Variants in ZFHX2 observed in about 807,000 individuals in gnomAD.
ZFHX2 encodes zinc finger homeobox 2.
ZFHX2 carries 75 observed loss-of-function variants against 164.8 expected under a neutral mutation model. The ratio of observed to expected loss-of-function variants is 0.46; its 90% confidence interval spans 0.38 to 0.55. The LOEUF (loss-of-function observed/expected upper bound fraction) is 0.55. Among genes scored for constraint, ZFHX2 ranks in the 20% least tolerant of loss-of-function variants. ZFHX2 has a pLI of 0.00. For missense variants in ZFHX2, 2,933 were observed against 3,308.0 expected (o/e 0.89, Z 2.78); for synonymous variants, 1,217 against 1,351.4 (o/e 0.90, Z 2.18).
rs1389140459 is a variant in ZFHX2, at chr14:23,523,285, G to A, written c.6657C>T (p.Thr2219=). Residue 2219 remains threonine (T), a synonymous_variant, in exon 9 of 10, where the codon ACC becomes ACT. Transcript: ENST00000419474. The surrounding 1 kb of genome is among the most constrained non-coding windows in gnomAD (Gnocchi z 4.1). ...PASMPLGAAP[T]LPRLAPVLLS... is the part of the protein sequence containing the mutation. ...AGAGGACCGGCGCCAGGCGAGGCAA[G>A]GTTGGGGCAGCCCCGAGGGGCATGG... 5 of 1,440,104 alleles carry A rather than the reference G, an allele frequency of 3.5e-6. No individual in the cohort carries two copies. The highest frequency in any genetic ancestry group is 4.5e-6 in the Non-Finnish European group (5 of 1,101,616). The allele number at this position is 1,440,104 out of a possible 1,614,324, so 89.2% of individuals were successfully genotyped here.
chr14:23,531,316 A>G (rs1879520348), intron 4 of ZFHX2, 165 bp downstream of exon 4: 1 of 1,066,008 alleles, frequency 9.4e-7, no homozygotes. Context: ...ACAGTGCCTG[A>G]CACGCTCATT....
Position 23,525,022 on chromosome 14 carries a change from C to T in ZFHX2, c.4920G>A (p.Val1640=). Residue 1640 remains valine, a synonymous_variant, in exon 9 of 10, where the codon GTG becomes GTA. Coordinates refer to ENST00000419474, the MANE Select transcript of ZFHX2 (RefSeq NM_033400.3). This position sits in a 1 kb window ranked among gnomAD's most constrained non-coding sequence, Gnocchi z 5.9. ...SLLGLASRVV[V]VWFQNARQKA... ...TCTGGCGGGCATTCTGGAACCACAC[C>T]ACCACCACACGGCTAGCCAGACCCA... 1.3e-6 allele frequency: 2 copies of T among 1,536,204 alleles called. No homozygotes were observed. The highest frequency in any genetic ancestry group is 1.7e-6 in the Non-Finnish European group (2 of 1,146,912).
Position 23,533,504 on chromosome 14 carries a change from G to A in ZFHX2, c.1822C>T (p.Leu608=). ...LMLHQGLPLG[L]PPGLMGPGPP... is the part of the protein sequence containing the mutation. Reference sequence around the variant, plus strand: ...CCTGGCCCCATCAATCCAGGTGGCAGGCCCAGCGGCAGCCCCTGGTGCAGC... The same window carrying A: ...CCTGGCCCCATCAATCCAGGTGGCAAGCCCAGCGGCAGCCCCTGGTGCAGC... The change falls in exon 2 of 10, where the codon CTG becomes TTG. Residue 608 remains leucine (L), a synonymous_variant. Transcript: ENST00000419474. The surrounding 1 kb of genome is among the most constrained non-coding windows in gnomAD (Gnocchi z 4.8). 6.5e-7 allele frequency: 1 copy of A among 1,536,106 alleles called. No individual in the cohort carries two copies. Among genetic ancestry groups the A allele is most frequent in the Non-Finnish European group, 8.7e-7 (1 of 1,146,892 alleles).
intron 1 of ZFHX2, among the ~76,000 whole-genome samples, chr14:23,540,094 C>A (rs1880634259): frequency 1.3e-5 from 2 of 152,184 alleles, no homozygotes; most frequent in Non-Finnish European, 2.9e-5. Context: ...CTTAGGTGAT[C>A]CTCCCATCTC....
chr14:23,535,175 T>C lies in ZFHX2; in HGVS notation c.151A>G (p.Met51Val), dbSNP rs1880008204. Reference sequence around the variant, plus strand: ...TGTCCCCCTGGCTCTGAGGACCTCATGTTCTCAGAGGTGGAGGAGGCAGCA... The same window carrying C: ...TGTCCCCCTGGCTCTGAGGACCTCACGTTCTCAGAGGTGGAGGAGGCAGCA... ...PPAASSTSENMRSSEPGGQLL... is the reference protein window; with the variant it reads ...PPAASSTSENVRSSEPGGQLL... The change falls in exon 2 of 10, where the codon ATG becomes GTG. Residue 51 changes from methionine to valine, a missense_variant. Physicochemically the swap from Met to Val is conservative, Grantham distance 21 (BLOSUM62 1). Coordinates refer to ENST00000419474, the MANE Select transcript of ZFHX2 (RefSeq NM_033400.3). The surrounding 1 kb of genome is among the most constrained non-coding windows in gnomAD (Gnocchi z 4.5). The C allele has an allele frequency of 6.5e-7, 1 of 1,534,450 alleles. No individual in the cohort carries two copies. Among genetic ancestry groups the C allele is most frequent in the South Asian group, 1.2e-5 (1 of 84,032 alleles).
chr14:23,526,764 T>C, intron 8 of ZFHX2, 83 bp downstream of exon 8: 1 of 1,530,478 alleles, frequency 6.5e-7, no homozygotes, highest in African/African-American at 1.4e-5. Flanking sequence ...CAGTTGACCT[T>C]GGCCTCAGTC....
At chr14:23,553,362 G>A (rs1882111992), upstream of ZFHX2, among the ~76,000 whole-genome samples, 2 of 152,304 alleles carry the variant, frequency 1.3e-5, no homozygotes, top group South Asian at 2.1e-4. Context: ...CACTTTGGGA[G>A]GCTGAGGTGG....
chr14:23,530,367 A>G (rs1249136322), intron 4 of ZFHX2, 173 bp from the exon 5 acceptor site: 2 of 703,278 alleles, frequency 2.8e-6, no homozygotes, highest in Admixed American at 2.0e-5. Flanking sequence ...CACAGAAGAT[A>G]GAGGGAAAAT....
rs1318090791 is a variant in ZFHX2, at chr14:23,534,965, C to T, written c.361G>A (p.Glu121Lys). 10 of 1,536,168 alleles carry T rather than the reference C, an allele frequency of 6.5e-6. No individual in the cohort carries two copies. Among genetic ancestry groups the T allele is most frequent in the Non-Finnish European group, 8.7e-6 (10 of 1,146,922 alleles). ...GACAGCTTGGCCACTAGGTAGGCCT[C>T]ACCTCCAGCTGTGAAGAATAAGTGG... ...SNHLFFTAGG[E>K]AYLVAKLSLP... The change falls in exon 2 of 10, where the codon GAG becomes AAG. Residue 121 changes from glutamate (E) to lysine (K), a missense_variant. Transcript: ENST00000419474. This position sits in a 1 kb window ranked among gnomAD's most constrained non-coding sequence, Gnocchi z 4.5.
At chr14:23,552,591 GC>G (rs1417347838), upstream of ZFHX2, among the ~76,000 whole-genome samples, 11 of 151,262 alleles carry the variant, frequency 7.3e-5, no homozygotes, top group African/African-American at 2.7e-4. Flanking sequence ...ACCGCGCCCA[GC>G]CCGTTTTTTT....
chr14:23,552,543 G>C (rs543665405), upstream of ZFHX2, among the ~76,000 whole-genome samples: 55 of 150,726 alleles, frequency 3.6e-4, no homozygotes, highest in Admixed American at 2.0e-3. Flanking sequence ...CGCCTGCCTC[G>C]GCCTCCCAAA....
Position 23,521,874 on chromosome 14 carries a change from G to C in ZFHX2, c.*88C>G. On this transcript the variant is annotated 3_prime_UTR_variant, in exon 10 of 10. Transcript: ENST00000419474. ...GAGGTGGGCGGGGCCAGGGGGTGGG[G>C]TGAGGGATTTGAGCTCCCACCGAAC... The C allele has an allele frequency of 6.6e-7, 1 of 1,505,462 alleles. No individual in the cohort carries two copies. Among genetic ancestry groups the C allele is most frequent in the Admixed American group, 2.1e-5 (1 of 48,170 alleles). 93.3% of individuals were successfully genotyped at this position (1,505,462 alleles called of 1,614,324 possible).
chr14:23,552,136 T>C (rs147968735), upstream of ZFHX2, among the ~76,000 whole-genome samples: 62 of 152,218 alleles, frequency 4.1e-4, no homozygotes, highest in African/African-American at 1.3e-3. Flanking sequence ...CCCCGCGAAA[T>C]TGGGTACTAG....
In ZFHX2 at chr14:23,545,577, T is replaced by G. The variant is rs115708043; in HGVS notation, c.-50+5766A>C. On this transcript the variant is annotated intron_variant, in intron 1 of 9. Transcript: ENST00000419474. ...CTTTCCAGAACCTCTTTCTCATCCT[T>G]CCCTGGCCTTCTCTCTAATTTCAAG... 3.8e-3 allele frequency among the ~76,000 whole-genome samples: 585 copies of G among 152,328 alleles called. 4 individuals are homozygous for G. Among genetic ancestry groups the G allele is most frequent in the African/African-American group, 0.013 (546 of 41,574 alleles).
At position 23,523,715 on chromosome 14, in the gene ZFHX2, T is replaced by C; in HGVS notation, c.6227A>G (p.Gln2076Arg). ...ATAGCAGGCTTTCATGATCTTCAGC[T>C]GCAGGCTGCTCATCTGGGTCCTGTA... ...RRYRTQMSSLQLKIMKACYEA... is the reference protein window; with the variant it reads ...RRYRTQMSSLRLKIMKACYEA... The change falls in exon 9 of 10, where the codon CAG (glutamine) becomes CGG (arginine). Residue 2076 changes from glutamine to arginine, a missense_variant. Coordinates refer to ENST00000419474, the MANE Select transcript of ZFHX2 (RefSeq NM_033400.3). The surrounding 1 kb of genome is among the most constrained non-coding windows in gnomAD (Gnocchi z 4.1). The C allele has an allele frequency of 1.3e-6, 2 of 1,536,514 alleles. No homozygotes were observed. The highest frequency in any genetic ancestry group is 1.7e-6 in the Non-Finnish European group (2 of 1,147,020).
At chr14:23,538,708 C>T (rs904908942) in intron 1 of ZFHX2, among the ~76,000 whole-genome samples, 1 of 152,118 alleles carries the variant, frequency 6.6e-6, no homozygotes, top group Non-Finnish European at 1.5e-5. Context: ...ACATTGCTTC[C>T]TCTGAAGGAG....
intron 1 of ZFHX2, chr14:23,542,294 G>A (rs1880905427): frequency 6.6e-6 from 1 of 152,622 alleles, no homozygotes; most frequent in African/African-American, 2.4e-5. Context: ...GAGGAGAAAA[G>A]GGTAGGCTCA....
rs1566573929 is a variant in ZFHX2 at position 23,524,786 on chromosome 14, A to G, written c.5156T>C (p.Val1719Ala). The change falls in exon 9 of 10, where the codon GTA (valine) becomes GCA (alanine). Residue 1719 changes from valine (V) to alanine (A), a missense_variant. Transcript: ENST00000419474. The surrounding 1 kb of genome is among the most constrained non-coding windows in gnomAD (Gnocchi z 5.6). ...EEEEEVEEEE[V>A]EEEQGLEPPA... ...AGGTTCAAGGCCCTGTTCCTCCTCT[A>G]CTTCTTCTTCTTCCACCTCTTCCTC... is the stretch of plus-strand genomic sequence containing the variant. 1 of 1,536,316 alleles carries G rather than the reference A, an allele frequency of 6.5e-7. No individual in the cohort carries two copies. The highest frequency in any genetic ancestry group is 1.4e-5 in the African/African-American group (1 of 73,022).
At chr14:23,532,449 C>CTT in intron 3 of ZFHX2, 118 bp downstream of exon 3, 1 of 1,269,280 alleles carries the variant, frequency 7.9e-7, no homozygotes, top group Non-Finnish European at 1.0e-6. Context: ...CTGGTGCATA[C>CTT]TTTCCTTTTT....
Sources: allele counts gnomAD v4.1 joint callset (sites outside exome capture counted in the v4.1 genomes callset), GRCh38; gene constraint gnomAD v4.1.1; non-coding constraint Gnocchi (gnomAD v3.1); transcripts MANE v1.5; gene names NCBI Gene and HGNC (gene_info 2026-07-23, HGNC 2026-07-21).